The following CDH4 variants were observed in gnomAD, a reference collection of about 807,000 sequenced individuals.
CDH4 encodes the protein cadherin-4.
CDH4 carries 33 observed loss-of-function variants against 86.0 expected under a neutral mutation model. The ratio of observed to expected loss-of-function variants is 0.38; its 90% CI spans 0.29 to 0.51. CDH4 has a LOEUF of 0.51. Among genes scored for constraint, CDH4 ranks in the 20% least tolerant of loss-of-function variants. The probability of loss-of-function intolerance (pLI) is 0.86; values close to 1 mark genes in which losing one functional copy is unlikely to be tolerated. For missense variants in CDH4, 1,114 were observed against 1,307.4 expected, an observed-to-expected ratio of 0.85 and a Z score of 2.28; for synonymous variants, 555 against 549.4, an observed-to-expected ratio of 1.01 and a Z score of -0.14.
rs2055005174 is a variant in CDH4, at chr20:61,923,366, G to A, written c.1375-85G>A. 3.6e-6 allele frequency: 5 copies of A among 1,391,012 alleles called. No individual in the cohort carries two copies. The South Asian group carries it at 5.0e-5, about 14-fold the overall frequency. 86.2% of individuals were successfully genotyped at this position (1,391,012 alleles called of 1,614,324 possible). ...GCTGGACATGGCTCAGGGAGGGGTGGAGACCAACCTTCCCATGTGTCCCCC... is the reference window on the plus strand; with the variant it reads ...GCTGGACATGGCTCAGGGAGGGGTGAAGACCAACCTTCCCATGTGTCCCCC... On this transcript the variant is annotated intron_variant, in intron 9 of 15. Transcript: ENST00000614565.
At chr20:61,828,933 C>G (rs559044262) in intron 4 of CDH4, among the ~76,000 whole-genome samples, 1 of 152,332 alleles carries the variant, frequency 6.6e-6, no homozygotes, top group South Asian at 2.1e-4. Context: ...GATCATCAGG[C>G]ATTAGATTCT....
chr20:61,904,962 G>A (rs769584872), intron 8 of CDH4, among the ~76,000 whole-genome samples: 44 of 152,208 alleles, frequency 2.9e-4, no homozygotes, highest in Admixed American at 9.2e-4. Flanking sequence ...CTCCTCTTGC[G>A]AATGGTGACC....
intron 2 of CDH4, among the ~76,000 whole-genome samples, chr20:61,381,399 G>A (rs978095875): frequency 3.9e-5 from 6 of 152,142 alleles, no homozygotes; most frequent in East Asian, 1.9e-4. Context: ...TAGCCTGTGC[G>A]GAAATAATTA....
chr20:61,280,886 G>A (rs1248060664), intron 2 of CDH4, among the ~76,000 whole-genome samples: 5 of 152,148 alleles, frequency 3.3e-5, no homozygotes, highest in Non-Finnish European at 7.3e-5. Flanking sequence ...AGTAGGTGTC[G>A]GGGTCCAGGA....
At chr20:61,641,461 C>T (rs1457626671) in intron 2 of CDH4, among the ~76,000 whole-genome samples, 2 of 152,158 alleles carry the variant, frequency 1.3e-5, no homozygotes, top group Admixed American at 1.3e-4. Flanking sequence ...TACCCCAGAG[C>T]CCTCAAGGAA....
intron 13 of CDH4, among the ~76,000 whole-genome samples, chr20:61,931,232 A>G (rs975729871): frequency 2.6e-5 from 4 of 152,304 alleles, no homozygotes; most frequent in African/African-American, 9.6e-5. Flanking sequence ...GCTTCCGTCG[A>G]GCCAAGACTA....
chr20:61,719,452 G>T, intron 2 of CDH4: 1 of 229,666 alleles, frequency 4.4e-6, no homozygotes, highest in Non-Finnish European at 9.5e-6. Flanking sequence ...AAATAACTGT[G>T]GAAATATTTC....
At chr20:61,577,662 G>C (rs1330979413) in intron 2 of CDH4, among the ~76,000 whole-genome samples, 2 of 152,170 alleles carry the variant, frequency 1.3e-5, no homozygotes, top group African/African-American at 4.8e-5. Context: ...TGGGTGGGCT[G>C]TGTGGGGCTA....
chr20:61,674,924 C>T (rs531049467), intron 2 of CDH4, among the ~76,000 whole-genome samples: 29 of 152,346 alleles, frequency 1.9e-4, no homozygotes, highest in Non-Finnish European at 3.1e-4. Flanking sequence ...TATTCCTGTA[C>T]GTATTGTCTG....
chr20:61,839,466 CTGTGCA>C (rs982132781), intron 4 of CDH4, among the ~76,000 whole-genome samples: 101 of 147,102 alleles, frequency 6.9e-4, no homozygotes, highest in African/African-American at 2.4e-3. Context: ...TGTGTGTGCA[CTGTGCA>C]TGTGTATGTG....
chr20:61,565,230 GT>G (rs2086269924), intron 2 of CDH4, among the ~76,000 whole-genome samples: 2 of 30,606 alleles, frequency 6.5e-5, no homozygotes. Context: ...GTAGGTGGTG[GT>G]GGTGGTGGTG....
chr20:61,526,243 C>T (rs1293425463), intron 2 of CDH4, among the ~76,000 whole-genome samples: 2 of 151,610 alleles, frequency 1.3e-5, no homozygotes, highest in Admixed American at 6.6e-5. Context: ...TTCTTCTCTT[C>T]GTAGGGATAA....
intron 2 of CDH4, among the ~76,000 whole-genome samples, chr20:61,460,386 C>G (rs1311052318): frequency 6.6e-6 from 1 of 152,226 alleles, no homozygotes; most frequent in African/African-American, 2.4e-5. Flanking sequence ...CAGCTTCTCT[C>G]AGCTGGGCCC....
chr20:61,513,214 C>T (rs2085793298), intron 2 of CDH4, among the ~76,000 whole-genome samples: 1 of 152,190 alleles, frequency 6.6e-6, no homozygotes, highest in African/African-American at 2.4e-5. Context: ...GGGTCTGGCC[C>T]TTCCTGCCCC....
chr20:61,766,757 G>A (rs1162180269), intron 3 of CDH4, among the ~76,000 whole-genome samples: 2 of 152,172 alleles, frequency 1.3e-5, no homozygotes, highest in African/African-American at 4.8e-5. Context: ...CATCCACACT[G>A]TCCTGTGCCA....
intron 2 of CDH4, among the ~76,000 whole-genome samples, chr20:61,289,495 G>A (rs2084310621): frequency 6.6e-6 from 1 of 152,244 alleles, no homozygotes; most frequent in Non-Finnish European, 1.5e-5. Context: ...CTGCAGTGCT[G>A]TGGGAGAGAA....
At chr20:61,472,274 T>G (rs868512087) in intron 2 of CDH4, among the ~76,000 whole-genome samples, 2 of 152,238 alleles carry the variant, frequency 1.3e-5, no homozygotes, top group African/African-American at 2.4e-5. Context: ...TTGTCTCTTC[T>G]TATACTTTTT....
chr20:61,526,809 TAC>T (rs760283952), intron 2 of CDH4, among the ~76,000 whole-genome samples: 19 of 152,286 alleles, frequency 1.2e-4, no homozygotes, highest in Admixed American at 2.0e-4. Flanking sequence ...TTAAAGATCC[TAC>T]AGTCTTACAT....
chr20:61,774,779 G>A (rs2088818043), intron 4 of CDH4, among the ~76,000 whole-genome samples: 1 of 152,120 alleles, frequency 6.6e-6, no homozygotes, highest in Admixed American at 6.5e-5. Context: ...TGTGGTGTTT[G>A]GTTTTCTGTT....
Sources: allele counts gnomAD v4.1 joint callset (sites outside exome capture counted in the v4.1 genomes callset), GRCh38; gene constraint gnomAD v4.1.1; transcripts MANE v1.5; gene names NCBI Gene and HGNC (gene_info 2026-07-23, HGNC 2026-07-21).